Variants in ZBTB41 observed in about 807,000 individuals in gnomAD.
The protein encoded by ZBTB41 is zinc finger and BTB domain-containing protein 41.
In ZBTB41, 42 loss-of-function variants were observed where a neutral mutation model predicts 87.6. The observed-to-expected ratio is 0.48, with a 90% CI of 0.37 to 0.62. The LOEUF (loss-of-function observed/expected upper bound fraction) is 0.62, where lower values mean the gene tolerates loss of function less well. Among genes scored for constraint, ZBTB41 ranks in the 20% least tolerant of loss-of-function variants. ZBTB41 has a pLI of 0.00. For missense variants in ZBTB41, 799 were observed against 1,078.9 expected (o/e 0.74, Z 3.63); for synonymous variants, 364 against 364.0 (o/e 1.00, Z 0.00).
chr1:197,201,017 T>C (rs929485908), intron 1 of ZBTB41, among the ~76,000 whole-genome samples: 3 of 152,014 alleles, frequency 2.0e-5, no homozygotes, highest in Admixed American at 6.5e-5. Flanking sequence ...TCTTCAGGAA[T>C]AGAGAGCGTC....
At chr1:197,188,169 CCTAAAACCACT>C (rs1659931786) in intron 5 of ZBTB41, 112 bp downstream of exon 5, 1 of 1,168,012 alleles carries the variant, frequency 8.6e-7, no homozygotes, top group Non-Finnish European at 1.2e-6. Flanking sequence ...TTGCTGTGAA[CCTAAAACCACT>C]CTTAAAAAGT....
At position 197,159,646 on chromosome 1, in the gene ZBTB41, C is replaced by T. The variant is rs140811569; in HGVS notation, c.2443G>A (p.Val815Ile). The part of the protein sequence containing the change: ...EVCVPVTLVP[V>I]QMPDTPSDLV... The stretch of plus-strand genomic sequence containing the variant: ...TCACTCGGAGTGTCAGGCATCTGAA[C>T]TGGAACCAGAGTTACTGGAACACAT... Residue 815 changes from valine (V) to isoleucine (I), a missense_variant, in exon 11 of 11, where the codon GTT (valine) becomes ATT (isoleucine). Val to Ile is a conservative substitution (Grantham distance 29, BLOSUM62 3). Coordinates refer to ENST00000367405, the MANE Select transcript of ZBTB41 (RefSeq NM_194314.3). The T allele has an allele frequency of 6.8e-6, 11 of 1,613,974 alleles. No individual in the cohort carries two copies. The highest frequency in any genetic ancestry group is 1.6e-4 in the Middle Eastern group (1 of 6,062).
chr1:197,200,363 A>C lies in ZBTB41; in HGVS notation c.111T>G (p.Thr37=), dbSNP rs946958763. The part of the protein sequence containing the change: ...VAVECDQVTY[T]HSAGRPTPEA... Reference sequence around the variant, plus strand: ...CAGGAGTTGGTCTTCCTGCAGAATGAGTATAGGTCACTTGGTCACACTCCA... The same window carrying C: ...CAGGAGTTGGTCTTCCTGCAGAATGCGTATAGGTCACTTGGTCACACTCCA... Residue 37 remains threonine (T), a synonymous_variant, in exon 2 of 11, where the codon ACT becomes ACG. Coordinates refer to ENST00000367405, the MANE Select transcript of ZBTB41 (RefSeq NM_194314.3). The C allele has an allele frequency of 4.3e-6, 7 of 1,614,068 alleles. No homozygotes were observed. Among genetic ancestry groups the C allele is most frequent in the Non-Finnish European group, 5.1e-6 (6 of 1,180,028 alleles).
At position 197,200,524 on chromosome 1, in the gene ZBTB41, T is replaced by A. The variant is rs762545963; in HGVS notation, c.-51A>T. 6.7e-7 allele frequency: 1 copy of A among 1,497,772 alleles called. No homozygotes were observed. Among genetic ancestry groups the A allele is most frequent in the Non-Finnish European group, 8.9e-7 (1 of 1,126,476 alleles). The allele number at this position is 1,497,772 out of a possible 1,614,324, so 92.8% of individuals were successfully genotyped here. A position where few individuals can be genotyped will look rare whatever the true frequency, so the allele number is the denominator to read the frequency against. Reference sequence around the variant, plus strand: ...AAACTTCATAAGTGTCTTAAGTGATTTATAAAGGAAAACTAGATTGTCTTG... The same window carrying A: ...AAACTTCATAAGTGTCTTAAGTGATATATAAAGGAAAACTAGATTGTCTTG... On this transcript the variant is annotated 5_prime_UTR_variant, in exon 2 of 11. Transcript: ENST00000367405.
chr1:197,181,144 A>C (rs1432376658), intron 5 of ZBTB41, 27 bp from the exon 6 acceptor site: 1 of 1,554,882 alleles, frequency 6.4e-7, no homozygotes, highest in African/African-American at 1.4e-5. Flanking sequence ...AAAAGTGTGC[A>C]TTTAAAGTTT....
At chr1:197,194,449 C>T (rs1660112485) in intron 2 of ZBTB41, among the ~76,000 whole-genome samples, 1 of 151,956 alleles carries the variant, frequency 6.6e-6, no homozygotes, top group African/African-American at 2.4e-5. Flanking sequence ...TAGCAGCATT[C>T]TCCCTCTATT....
intron 10 of ZBTB41, among the ~76,000 whole-genome samples, chr1:197,163,544 A>G (rs2125123113): frequency 6.6e-6 from 1 of 152,096 alleles, no homozygotes. Context: ...CAATAGCAAT[A>G]TTTAAAAAGA....
chr1:197,173,793 G>A (rs915939673), intron 9 of ZBTB41, among the ~76,000 whole-genome samples: 1 of 152,070 alleles, frequency 6.6e-6, no homozygotes, highest in Non-Finnish European at 1.5e-5. Context: ...GTCACCATGG[G>A]CACATAGAGA....
chr1:197,178,585 T>C (rs1248615684), intron 6 of ZBTB41, 73 bp from the exon 7 acceptor site: 3 of 1,055,996 alleles, frequency 2.8e-6, no homozygotes, highest in East Asian at 5.7e-5. Context: ...GAAAACTTAC[T>C]AGAAAGGTAT....
intron 10 of ZBTB41, among the ~76,000 whole-genome samples, chr1:197,161,747 C>G (rs1287689370): frequency 6.6e-6 from 1 of 151,988 alleles, no homozygotes; most frequent in Non-Finnish European, 1.5e-5. Context: ...GAGGAGAGTG[C>G]TTTGAAAACA....
At chr1:197,165,876 G>C (rs1659332356) in intron 10 of ZBTB41, among the ~76,000 whole-genome samples, 1 of 152,194 alleles carries the variant, frequency 6.6e-6, no homozygotes, top group African/African-American at 2.4e-5. Flanking sequence ...GGTGATTTCT[G>C]CATTTCCAAC....
intron 5 of ZBTB41, among the ~76,000 whole-genome samples, chr1:197,183,483 T>C (rs1659807496): frequency 6.6e-6 from 1 of 152,198 alleles, no homozygotes; most frequent in South Asian, 2.1e-4. Flanking sequence ...CTTTTTCTTC[T>C]AGTAAATGTC....
intron 5 of ZBTB41, among the ~76,000 whole-genome samples, chr1:197,184,279 G>A (rs1659828886): frequency 6.6e-6 from 1 of 152,110 alleles, no homozygotes; most frequent in Non-Finnish European, 1.5e-5. Flanking sequence ...CTTAGTAAAG[G>A]CAATTTGGAG....
At chr1:197,179,596 T>A (rs1659694096) in intron 6 of ZBTB41, among the ~76,000 whole-genome samples, 2 of 151,966 alleles carry the variant, frequency 1.3e-5, no homozygotes, top group South Asian at 4.1e-4. Flanking sequence ...GAAGGCATGG[T>A]TACCATAGGA....
In ZBTB41 at chr1:197,159,534, G is replaced by A. The variant is rs370122677; in HGVS notation, c.2555C>T (p.Ala852Val). The change falls in exon 11 of 11, where the codon GCG (alanine) becomes GTG (valine). Residue 852 changes from alanine to valine, a missense_variant. Physicochemically the swap from Ala to Val is moderately conservative, Grantham distance 64. Coordinates refer to ENST00000367405, the MANE Select transcript of ZBTB41 (RefSeq NM_194314.3). ...QPQSTDYPRA[A>V]DLAFLEKYTL... ...ATATTTTTCCAGAAAAGCTAAATCC[G>A]CTGCTCGTGGATAATCAGTTGACTG... is the stretch of plus-strand genomic sequence containing the variant. 26 of 1,613,892 alleles carry A rather than the reference G, an allele frequency of 1.6e-5. No individual in the cohort carries two copies. The East Asian group carries it at 3.8e-4, about 24-fold the overall frequency.
intron 10 of ZBTB41, among the ~76,000 whole-genome samples, chr1:197,171,243 T>A (rs187043307): frequency 1.3e-5 from 2 of 152,136 alleles, no homozygotes; most frequent in Non-Finnish European, 2.9e-5. Flanking sequence ...TTTTACACTT[T>A]TATTTATGCT....
intron 2 of ZBTB41, among the ~76,000 whole-genome samples, chr1:197,196,860 C>T (rs1026210936): frequency 6.6e-6 from 1 of 152,104 alleles, no homozygotes; most frequent in African/African-American, 2.4e-5. Flanking sequence ...TAAACTGTTC[C>T]CTATTCTTTG....
At chr1:197,168,551 C>A (rs1659402485) in intron 10 of ZBTB41, among the ~76,000 whole-genome samples, 1 of 151,952 alleles carries the variant, frequency 6.6e-6, no homozygotes, top group Non-Finnish European at 1.5e-5. Context: ...AGCGCTAAAG[C>A]AATTGGATAA....
intron 2 of ZBTB41, among the ~76,000 whole-genome samples, chr1:197,192,126 T>TA (rs141813744): frequency 6.0e-5 from 9 of 150,632 alleles, no homozygotes; most frequent in Middle Eastern, 3.2e-3. Context: ...CTTGAGTCAT[T>TA]AAAAAAAAAT....
Sources: allele counts gnomAD v4.1 joint callset (sites outside exome capture counted in the v4.1 genomes callset), GRCh38; gene constraint gnomAD v4.1.1; transcripts MANE v1.5; gene names NCBI Gene and HGNC (gene_info 2026-07-23, HGNC 2026-07-21).